SPAG17: variants seen among roughly 807,000 people sequenced by gnomAD.
SPAG17 encodes sperm associated antigen 17, also known as sperm-associated antigen 17.
Under a neutral mutation model 273.6 loss-of-function variants are expected in SPAG17, and 169 were observed. The observed-to-expected ratio is 0.62, with a 90% CI of 0.55 to 0.70. SPAG17 has a LOEUF of 0.70. Ranked by LOEUF, SPAG17 falls within the 30% of genes least tolerant of loss-of-function variation. SPAG17 has a pLI of 0.00. For missense variants in SPAG17, 2,557 were observed against 2,627.8 expected (o/e 0.97, Z 0.59); for synonymous variants, 825 against 873.2 (o/e 0.94, Z 0.97).
In SPAG17 at chr1:117,984,205, G is replaced by T. The variant is rs545509577; in HGVS notation, c.5770-292C>A. ...TGAACTTTTGGCCAGTGATGGGAAG[G>T]TCGGGGCTGTGGTCCTACAGGTAGG... On this transcript the variant is annotated intron_variant, in intron 41 of 48. Transcript: ENST00000336338. Among the ~76,000 whole-genome samples the T allele has an allele frequency of 5.3e-5, 8 of 152,312 alleles. No homozygotes were observed. The South Asian group carries it at 1.2e-3, about 24-fold the overall frequency.
At chr1:118,021,359 A>G (rs1385711885) in intron 28 of SPAG17, among the ~76,000 whole-genome samples, 2 of 152,110 alleles carry the variant, frequency 1.3e-5, no homozygotes, top group South Asian at 2.1e-4. Context: ...GTAAAACTAT[A>G]CAGACAATAA....
intron 24 of SPAG17, among the ~76,000 whole-genome samples, chr1:118,036,292 T>C (rs1192987575): frequency 6.6e-6 from 1 of 152,162 alleles, no homozygotes; most frequent in Non-Finnish European, 1.5e-5. Context: ...CCTTTAAGGC[T>C]AACGTCCTGA....
intron 23 of SPAG17, 27 bp from the exon 24 acceptor site, chr1:118,036,910 AT>A: frequency 6.9e-7 from 1 of 1,451,852 alleles, no homozygotes; most frequent in Non-Finnish European, 9.5e-7. Context: ...AATCAAGAAC[AT>A]TTTCATTTAA....
In SPAG17 at chr1:117,982,922, C is replaced by T. The variant is rs145813441; in HGVS notation, c.5872+889G>A. On this transcript the variant is annotated intron_variant, in intron 42 of 48. Transcript: ENST00000336338. ...GGCTGGTCGTCTTATAGAATGTCTG[C>T]ATTTTGGTAGACATTTTTCTCTGTT... 5.2e-3 allele frequency among the ~76,000 whole-genome samples: 793 copies of T among 152,226 alleles called. 5 individuals are homozygous for T. Among genetic ancestry groups the T allele is most frequent in the African/African-American group, 0.018 (757 of 41,542 alleles).
intron 13 of SPAG17, among the ~76,000 whole-genome samples, chr1:118,082,002 T>G (rs188187319): frequency 2.0e-5 from 3 of 152,224 alleles, no homozygotes; most frequent in African/African-American, 7.2e-5. Flanking sequence ...TTTTCTCCTG[T>G]TGTAATTTAA....
chr1:118,090,285 T>C (rs986966426), intron 10 of SPAG17, among the ~76,000 whole-genome samples: 2 of 152,286 alleles, frequency 1.3e-5, no homozygotes, highest in Admixed American at 6.5e-5. Context: ...CCATGTTACA[T>C]CAGGTCACAC....
chr1:118,126,203 C>CTTTTT (rs776674134), intron 3 of SPAG17, among the ~76,000 whole-genome samples: 11 of 110,580 alleles, frequency 9.9e-5, no homozygotes, highest in Non-Finnish European at 1.3e-4. Context: ...ATCCTTTATC[C>CTTTTT]TTTTTTTTTT....
chr1:118,041,859 T>A lies in SPAG17; in HGVS notation c.2998A>T (p.Ile1000Phe). The A allele has an allele frequency of 3.1e-6, 5 of 1,613,984 alleles. No homozygotes were observed. Among genetic ancestry groups the A allele is most frequent in the Non-Finnish European group, 4.2e-6 (5 of 1,179,900 alleles). Reference sequence around the variant, plus strand: ...GGGGACTCTTCTGTTACTTCTTGGATCTTGACTTGTTCTTCTTTAGATTTC... The same window carrying A: ...GGGGACTCTTCTGTTACTTCTTGGAACTTGACTTGTTCTTCTTTAGATTTC... Reference protein sequence around the residue: ...KEKSKEEQVKIQEVTEESPHQ... With the variant: ...KEKSKEEQVKFQEVTEESPHQ... Residue 1000 changes from isoleucine (I) to phenylalanine (F), a missense_variant, in exon 21 of 49, where the codon ATC becomes TTC. Transcript: ENST00000336338.
At chr1:118,026,420 A>T (rs1327128490) in intron 26 of SPAG17, among the ~76,000 whole-genome samples, 1 of 152,210 alleles carries the variant, frequency 6.6e-6, no homozygotes, top group African/African-American at 2.4e-5. Flanking sequence ...ACATAATGAT[A>T]GCATTTTAAG....
chr1:118,185,216 C>T lies in SPAG17; in HGVS notation c.-59G>A. Reference sequence around the variant, plus strand: ...GGGCGCAGGCCCTGCCTAAGCGTCCCCGCTACCACAGTAACCGAAGCCACG... The same window carrying T: ...GGGCGCAGGCCCTGCCTAAGCGTCCTCGCTACCACAGTAACCGAAGCCACG... On this transcript the variant is annotated 5_prime_UTR_variant, in exon 1 of 49. Transcript: ENST00000336338. 1.4e-6 allele frequency: 2 copies of T among 1,392,456 alleles called. No individual in the cohort carries two copies. The highest frequency in any genetic ancestry group is 2.3e-5 in the East Asian group (1 of 43,796). The allele number at this position is 1,392,456 out of a possible 1,614,324, so 86.3% of individuals were successfully genotyped here. A position where few individuals can be genotyped will look rare whatever the true frequency, so the allele number is the denominator to read the frequency against.
chr1:117,986,118 C>T (rs545087930), intron 40 of SPAG17, among the ~76,000 whole-genome samples: 3 of 152,274 alleles, frequency 2.0e-5, no homozygotes, highest in East Asian at 1.9e-4. Flanking sequence ...GTGACCAGTG[C>T]TCTTATACTA....
At chr1:118,003,560 A>G (rs1658547548) in intron 32 of SPAG17, among the ~76,000 whole-genome samples, 1 of 152,048 alleles carries the variant, frequency 6.6e-6, no homozygotes, top group South Asian at 2.1e-4. Flanking sequence ...TATTTCATTA[A>G]TTTGATCTTC....
chr1:117,954,554 G>C, intron 48 of SPAG17: 1 of 1,608,744 alleles, frequency 6.2e-7, no homozygotes. Context: ...TTTTTTTAAT[G>C]ACTTGATTTA....
intron 29 of SPAG17, among the ~76,000 whole-genome samples, chr1:118,012,637 A>T (rs1659596495): frequency 6.6e-6 from 1 of 152,246 alleles, no homozygotes; most frequent in African/African-American, 2.4e-5. Context: ...ATATTTGAGG[A>T]AACACTTAAC....
At chr1:118,146,582 A>T (rs990132686) in intron 3 of SPAG17, among the ~76,000 whole-genome samples, 2 of 152,210 alleles carry the variant, frequency 1.3e-5, no homozygotes, top group African/African-American at 4.8e-5. Context: ...TGTAGTACAC[A>T]TTAATTCGGT....
chr1:118,185,169 G>T lies in SPAG17; in HGVS notation c.-12C>A, dbSNP rs762194668. ...TTCTTGGGTGCCATGCAAAGGACGG[G>T]AGAAGCATTGGCCTCTAAACTGGGC... On this transcript the variant is annotated 5_prime_UTR_variant, in exon 1 of 49. Transcript: ENST00000336338. 12 of 1,608,532 alleles carry T rather than the reference G, an allele frequency of 7.5e-6. No homozygotes were observed. Among genetic ancestry groups the T allele is most frequent in the African/African-American group, 1.3e-5 (1 of 74,926 alleles).
chr1:118,021,643 C>T (rs1660506644), intron 28 of SPAG17, among the ~76,000 whole-genome samples: 1 of 152,086 alleles, frequency 6.6e-6, no homozygotes, highest in Non-Finnish European at 1.5e-5. Flanking sequence ...GCAGAGTAAA[C>T]AGGAACTCTG....
In SPAG17 at chr1:118,093,321, C is replaced by T. The variant is rs1351086752; in HGVS notation, c.1012-4G>A. On this transcript the variant is annotated splice_polypyrimidine_tract_variant and splice_region_variant and intron_variant, in intron 7 of 48. Transcript: ENST00000336338. ...AAATATCAGTGCCCAATTTCAGCTA[C>T]AAGTGAGAGATTTAATGGCAATTGG... is the stretch of plus-strand genomic sequence containing the variant. The T allele has an allele frequency of 1.2e-6, 2 of 1,601,152 alleles. No individual in the cohort carries two copies. The highest frequency in any genetic ancestry group is 2.2e-5 in the East Asian group (1 of 44,522).
At chr1:118,139,133 A>C (rs1658524084) in intron 3 of SPAG17, among the ~76,000 whole-genome samples, 1 of 152,204 alleles carries the variant, frequency 6.6e-6, no homozygotes, top group African/African-American at 2.4e-5. Flanking sequence ...AAAAATTTAA[A>C]AAAAATGGGC....
Sources: allele counts gnomAD v4.1 joint callset (sites outside exome capture counted in the v4.1 genomes callset), GRCh38; gene constraint gnomAD v4.1.1; transcripts MANE v1.5; gene names NCBI Gene and HGNC (gene_info 2026-07-23, HGNC 2026-07-21).